The following BTBD9 variants were observed in gnomAD, a reference collection of about 807,000 sequenced individuals.
BTBD9 encodes the protein BTB domain containing 9, also known as BTB/POZ domain-containing protein 9.
Under a neutral mutation model 64.3 loss-of-function variants are expected in BTBD9, and 49 were observed. That is an observed-to-expected ratio of 0.76 (90% CI 0.61 to 0.97). BTBD9 has a LOEUF of 0.97. Ranked by LOEUF, BTBD9 falls within the 50% of genes least tolerant of loss-of-function variation. BTBD9 has a pLI of 0.00. For missense variants in BTBD9, 598 were observed against 762.1 expected (o/e 0.78, Z 2.53); for synonymous variants, 260 against 274.7 (o/e 0.95, Z 0.53).
intron 6 of BTBD9, among the ~76,000 whole-genome samples, chr6:38,536,529 A>G (rs916371845): frequency 5.3e-5 from 8 of 152,190 alleles, no homozygotes; most frequent in African/African-American, 1.7e-4. Flanking sequence ...CTGTACTCCC[A>G]TATTTACTAT....
intron 6 of BTBD9, among the ~76,000 whole-genome samples, chr6:38,429,769 A>G (rs1484671754): frequency 6.6e-6 from 1 of 152,076 alleles, no homozygotes. Context: ...TGCTAGTTCT[A>G]GAATGACTGC....
At position 38,519,270 on chromosome 6, in the gene BTBD9, T is replaced by G. The variant is rs1773182403; in HGVS notation, c.1154+58330A>C. Among the ~76,000 whole-genome samples, 3 of 152,344 alleles carry G rather than the reference T, an allele frequency of 2.0e-5. No individual in the cohort carries two copies. The South Asian group carries it at 6.2e-4, about 32-fold the overall frequency. On this transcript the variant is annotated intron_variant, in intron 6 of 10. Transcript: ENST00000481247. ...GGGCTCATAAGGATTTGGGTTACAC[T>G]GTTGTATGGACTTGTCCTAAGACTT...
At chr6:38,297,225 G>A (rs910798453) in intron 7 of BTBD9, among the ~76,000 whole-genome samples, 3 of 152,110 alleles carry the variant, frequency 2.0e-5, no homozygotes, top group African/African-American at 7.2e-5. Context: ...AATTAGCTGG[G>A]CATGGTGGCG....
intron 7 of BTBD9, among the ~76,000 whole-genome samples, chr6:38,313,027 C>G (rs1201931807): frequency 2.0e-5 from 3 of 152,138 alleles, no homozygotes; most frequent in African/African-American, 7.2e-5. Context: ...TTGATTCTTT[C>G]AATCCATGGA....
At chr6:38,295,385 T>C (rs966810075) in intron 7 of BTBD9, among the ~76,000 whole-genome samples, 2 of 152,062 alleles carry the variant, frequency 1.3e-5, no homozygotes, top group African/African-American at 4.8e-5. Flanking sequence ...AGGCTGGTCT[T>C]GAACTCCTGG....
chr6:38,174,289 G>A lies in BTBD9; in HGVS notation c.*696C>T, dbSNP rs560761985. 1 of 152,400 alleles carries A rather than the reference G, an allele frequency of 6.6e-6. No homozygotes were observed. The highest frequency in any genetic ancestry group is 2.4e-5 in the African/African-American group (1 of 41,586). 9.4% of individuals were successfully genotyped at this position (152,400 alleles called of 1,614,324 possible). On this transcript the variant is annotated 3_prime_UTR_variant, in exon 11 of 11. Coordinates refer to ENST00000481247, the MANE Select transcript of BTBD9 (RefSeq NM_001099272.2). The stretch of plus-strand genomic sequence containing the variant: ...TGTCCACAGGTTGATTTGCTTGTGT[G>A]CATTTGTGGCACTTCCTCTGTGGCC...
At chr6:38,627,418 G>A (rs1778207063) in intron 1 of BTBD9, among the ~76,000 whole-genome samples, 1 of 152,132 alleles carries the variant, frequency 6.6e-6, no homozygotes, top group African/African-American at 2.4e-5. Context: ...ATATATATGG[G>A]CTTAAGAATA....
intron 9 of BTBD9, among the ~76,000 whole-genome samples, chr6:38,222,264 T>TG (rs1350836016): frequency 1.5e-5 from 2 of 136,722 alleles, no homozygotes; most frequent in Non-Finnish European, 3.2e-5. Flanking sequence ...GTTGTTTTTT[T>TG]TTTTTTTTTT....
At chr6:38,182,441 G>C (rs996487907) in intron 10 of BTBD9, among the ~76,000 whole-genome samples, 8 of 152,296 alleles carry the variant, frequency 5.3e-5, no homozygotes, top group African/African-American at 1.9e-4. Flanking sequence ...CAAAAAAAGG[G>C]AAGTGTTCTT....
chr6:38,269,911 T>C (rs983576243), intron 8 of BTBD9, among the ~76,000 whole-genome samples: 6 of 152,168 alleles, frequency 3.9e-5, no homozygotes, highest in African/African-American at 1.2e-4. Flanking sequence ...CTCCGTGCCA[T>C]GTACACTAAT....
intron 6 of BTBD9, among the ~76,000 whole-genome samples, chr6:38,389,867 T>C (rs1766334529): frequency 6.6e-6 from 1 of 152,242 alleles, no homozygotes; most frequent in Non-Finnish European, 1.5e-5. Context: ...GATTTATGAT[T>C]TATATTGTCA....
At chr6:38,547,290 C>A (rs115051479) in intron 6 of BTBD9, among the ~76,000 whole-genome samples, 1 of 152,050 alleles carries the variant, frequency 6.6e-6, no homozygotes, top group African/African-American at 2.4e-5. Flanking sequence ...ATTAGCTGGG[C>A]GTGGTGGCAC....
At chr6:38,335,923 T>C (rs527398516) in intron 7 of BTBD9, among the ~76,000 whole-genome samples, 4 of 151,602 alleles carry the variant, frequency 2.6e-5, no homozygotes, top group Admixed American at 1.3e-4. Context: ...TTTGTAGAGA[T>C]AGGTTTTCAC....
At chr6:38,517,820 C>A (rs2127416703) in intron 6 of BTBD9, among the ~76,000 whole-genome samples, 1 of 152,284 alleles carries the variant, frequency 6.6e-6, no homozygotes, top group South Asian at 2.1e-4. Context: ...GAATCCATTT[C>A]TTTGCACCTT....
intron 6 of BTBD9, among the ~76,000 whole-genome samples, chr6:38,545,778 CAAAAAAAAAA>C (rs1224870392): frequency 1.5e-5 from 1 of 68,886 alleles, no homozygotes; most frequent in African/African-American, 6.1e-5. Flanking sequence ...GACTCCGTCT[CAAAAAAAAAA>C]AAAAAAAAAA....
chr6:38,336,815 C>T (rs1291180686), intron 7 of BTBD9, among the ~76,000 whole-genome samples: 1 of 152,164 alleles, frequency 6.6e-6, no homozygotes, highest in Admixed American at 6.5e-5. Context: ...TGAGTTGTCA[C>T]CTTCTGTTTA....
At chr6:38,268,236 T>C (rs1281152454) in intron 8 of BTBD9, among the ~76,000 whole-genome samples, 1 of 152,184 alleles carries the variant, frequency 6.6e-6, no homozygotes, top group African/African-American at 2.4e-5. Flanking sequence ...CTGAGCTTAT[T>C]CTCCTGCCCA....
chr6:38,613,795 C>A (rs1224823191), intron 1 of BTBD9, among the ~76,000 whole-genome samples: 1 of 152,144 alleles, frequency 6.6e-6, no homozygotes, highest in Non-Finnish European at 1.5e-5. Context: ...TCAATCTGGA[C>A]TCTGGGAGAT....
chr6:38,182,357 C>T (rs1761596165), intron 10 of BTBD9, among the ~76,000 whole-genome samples: 1 of 152,154 alleles, frequency 6.6e-6, no homozygotes, highest in South Asian at 2.1e-4. Flanking sequence ...GAGAGAGTTA[C>T]TTTCTTGTCT....
Sources: gnomAD v4.1 joint callset for allele counts (sites outside exome capture counted in the v4.1 genomes callset) on GRCh38, gnomAD v4.1.1 for gene constraint, MANE v1.5 for transcripts, NCBI Gene and HGNC (gene_info 2026-07-23, HGNC 2026-07-21) for gene names.